The following ZNF496 variants were observed in gnomAD, a reference collection of about 807,000 sequenced individuals.
ZNF496 encodes the protein NSD1 (nuclear receptor binding SET-domain containing 1)-interacting zinc finger protein 1.
A neutral mutation model predicts 58.9 loss-of-function variants in ZNF496; 11 were observed. That is an observed-to-expected ratio of 0.19 (90% CI 0.12 to 0.31). The LOEUF (loss-of-function observed/expected upper bound fraction) is 0.31. Ranked by LOEUF, ZNF496 falls within the 10% of genes least tolerant of loss-of-function variation. The probability of loss-of-function intolerance (pLI) is 1.00; values close to 1 mark genes in which losing one functional copy is unlikely to be tolerated. For missense variants in ZNF496, 660 were observed against 783.0 expected, an observed-to-expected ratio of 0.84 and a Z score of 1.88; for synonymous variants, 338 against 318.2, an observed-to-expected ratio of 1.06 and a Z score of -0.66.
Position 247,313,900 on chromosome 1 carries a change from G to A in ZNF496, c.652-3444C>T, listed in dbSNP as rs575684150. 17 of 152,276 alleles carry A rather than the reference G, an allele frequency of 1.1e-4. No homozygotes were observed. In the South Asian group the frequency reaches 2.1e-3, roughly 19 times the overall value. The allele number at this position is 152,276 out of a possible 1,614,324, so 9.4% of individuals were successfully genotyped here. A position where few individuals can be genotyped will look rare whatever the true frequency, so the allele number is the denominator to read the frequency against. ...AAAACACCTGTGCATGATGGAATCC[G>A]GATGGCCACCAAGTGCAGGGCGTCT... On this transcript the variant is annotated intron_variant, in intron 6 of 9. Transcript: ENST00000682384.
chr1:247,328,550 C>CT, intron 5 of ZNF496, 133 bp downstream of exon 5: 4 of 943,128 alleles, frequency 4.2e-6, no homozygotes, highest in Non-Finnish European at 6.0e-6. Context: ...CTGACAACAG[C>CT]TCACAGCACC....
intron 6 of ZNF496, chr1:247,310,946 A>C (rs1235448241): frequency 6.5e-6 from 1 of 153,738 alleles, no homozygotes; most frequent in East Asian, 1.9e-4. Flanking sequence ...TAACCCTCAA[A>C]GTCTTAATTC....
intron 9 of ZNF496, 74 bp from the exon 10 acceptor site, chr1:247,301,350 A>C: frequency 6.8e-7 from 1 of 1,466,592 alleles, no homozygotes; most frequent in Non-Finnish European, 9.0e-7. Flanking sequence ...CGGCGGAGGA[A>C]CACTCAGCTT....
intron 9 of ZNF496, among the ~76,000 whole-genome samples, chr1:247,306,490 C>T (rs1318290036): frequency 1.4e-5 from 2 of 145,456 alleles, no homozygotes; most frequent in African/African-American, 5.1e-5. Context: ...AGCCACTGCA[C>T]CTGGCCGTTT....
At position 247,300,735 on chromosome 1, in the gene ZNF496, G is replaced by T. The variant is rs1195184307; in HGVS notation, c.1548C>A (p.Gly516=). Reference sequence around the variant, plus strand: ...AGCACTGGAAGCTCAGTTTGGCCTTGCCGTTTTCCAGCGGCTCTTTGGGAC... The same window carrying T: ...AGCACTGGAAGCTCAGTTTGGCCTTTCCGTTTTCCAGCGGCTCTTTGGGAC... ...DKGPKEPLEN[G]KAKLSFQCCE... is the part of the protein sequence containing the mutation. Residue 516 remains glycine, a synonymous_variant, in exon 10 of 10, where the codon GGC becomes GGA. Transcript: ENST00000682384. This position sits in a 1 kb window ranked among gnomAD's most constrained non-coding sequence, Gnocchi z 5.7. 6.8e-6 allele frequency: 11 copies of T among 1,611,878 alleles called. No individual in the cohort carries two copies. Among genetic ancestry groups the T allele is most frequent in the Non-Finnish European group, 9.3e-6 (11 of 1,178,394 alleles).
intron 9 of ZNF496, chr1:247,303,947 C>A: frequency 4.4e-6 from 1 of 224,788 alleles, no homozygotes; most frequent in Non-Finnish European, 9.4e-6. Context: ...ATGAGGTTAT[C>A]CAGGAAGGTC....
At position 247,300,659 on chromosome 1, in the gene ZNF496, T is replaced by C; in HGVS notation, c.1624A>G (p.Ser542Gly). The part of the protein sequence containing the change: ...QRHDHLARHR[S>G]HFHLKDKARP... ...GCTTTGTCCTTCAGGTGAAAGTGGC[T>C]GCGGTGCCGAGCCAGGTGGTCGTGC... The change falls in exon 10 of 10, where the codon AGC becomes GGC. Residue 542 changes from serine (S) to glycine (G), a missense_variant. Transcript: ENST00000682384. This position sits in a 1 kb window ranked among gnomAD's most constrained non-coding sequence, Gnocchi z 5.7. The C allele has an allele frequency of 1.2e-6, 2 of 1,614,110 alleles. No homozygotes were observed. Among genetic ancestry groups the C allele is most frequent in the East Asian group, 2.2e-5 (1 of 44,876 alleles).
rs917622540 is a variant in ZNF496, at chr1:247,323,043, C to G, written c.651+111G>C. On this transcript the variant is annotated intron_variant, in intron 6 of 9. Transcript: ENST00000682384. ...CTATTTTAGCTTTTCTGGGCTGGGA[C>G]TGAACATCCTGTGTGGCAGTCAGAA... The G allele has an allele frequency of 3.3e-6, 3 of 905,756 alleles. No individual in the cohort carries two copies. The African/African-American group carries it at 5.0e-5, about 15-fold the overall frequency. 56.1% of individuals were successfully genotyped at this position (905,756 alleles called of 1,614,324 possible).
intron 5 of ZNF496, among the ~76,000 whole-genome samples, chr1:247,323,932 T>C (rs1660036726): frequency 6.6e-6 from 1 of 151,534 alleles, no homozygotes; most frequent in Non-Finnish European, 1.5e-5. Flanking sequence ...CTGGGCAACA[T>C]AGGGAGACCG....
chr1:247,299,399 C>T lies in ZNF496; in HGVS notation c.*1120G>A, dbSNP rs1616299. On this transcript the variant is annotated 3_prime_UTR_variant, in exon 10 of 10. Coordinates refer to ENST00000682384, the MANE Select transcript of ZNF496 (RefSeq NM_032752.3). The stretch of plus-strand genomic sequence containing the variant: ...GCAACTGCCAGCAAAGGCATGAAGC[C>T]GCTTCTCCCTCACAGCTCTCGGAAG... 52,260 of 152,186 alleles carry T rather than the reference C, an allele frequency of 0.34. 9,695 individuals are homozygous for T. The highest frequency in any genetic ancestry group is 0.52 in the East Asian group (2,672 of 5,146). 9.4% of individuals were successfully genotyped at this position (152,186 alleles called of 1,614,324 possible). A position where few individuals can be genotyped will look rare whatever the true frequency, so the allele number is the denominator to read the frequency against.
chr1:247,327,963 G>A (rs1218022691), intron 5 of ZNF496, among the ~76,000 whole-genome samples: 1 of 152,152 alleles, frequency 6.6e-6, no homozygotes, highest in Non-Finnish European at 1.5e-5. Context: ...CAGGCCTTGT[G>A]TTCAACCTTT....
intron 9 of ZNF496, among the ~76,000 whole-genome samples, chr1:247,303,813 C>CA (rs1350770689): frequency 6.6e-6 from 1 of 152,074 alleles, no homozygotes; most frequent in Non-Finnish European, 1.5e-5. Context: ...ATCCATACGG[C>CA]AAAAAATAAG....
chr1:247,305,031 T>C (rs933218626), intron 9 of ZNF496, among the ~76,000 whole-genome samples: 7 of 152,096 alleles, frequency 4.6e-5, no homozygotes, highest in Admixed American at 6.5e-5. Context: ...AGGGGATGAA[T>C]TGTGTTGTCC....
chr1:247,317,581 G>A (rs910782944), intron 6 of ZNF496, among the ~76,000 whole-genome samples: 18 of 146,940 alleles, frequency 1.2e-4, no homozygotes, highest in East Asian at 8.0e-4. Context: ...CCCCCCCCCC[G>A]CCACCAGTGG....
chr1:247,298,082 A>C lies in ZNF496; in HGVS notation c.*2437T>G, dbSNP rs536389312. On this transcript the variant is annotated 3_prime_UTR_variant, in exon 10 of 10. Transcript: ENST00000682384. ...ACAGGTAGGTGGGGTAAACGTGTAC[A>C]GAGAGCCTGGCTTCTACTTGGAATT... 1.9e-4 allele frequency: 29 copies of C among 152,342 alleles called. No homozygotes were observed. The highest frequency in any genetic ancestry group is 3.4e-3 in the Middle Eastern group (1 of 294). The allele number at this position is 152,342 out of a possible 1,614,324, so 9.4% of individuals were successfully genotyped here.
intron 4 of ZNF496, 21 bp from the exon 5 acceptor site, chr1:247,328,887 T>C: frequency 6.4e-7 from 1 of 1,567,670 alleles, no homozygotes; most frequent in Non-Finnish European, 8.6e-7. Context: ...AGAGACAGCT[T>C]TTCAGGGCTA....
At chr1:247,326,637 T>C (rs1385655282) in intron 5 of ZNF496, among the ~76,000 whole-genome samples, 1 of 152,186 alleles carries the variant, frequency 6.6e-6, no homozygotes, top group East Asian at 1.9e-4. Flanking sequence ...CTTATACCTG[T>C]TGTTACAGGC....
At chr1:247,316,860 A>G in intron 6 of ZNF496, among the ~76,000 whole-genome samples, 1 of 152,136 alleles carries the variant, frequency 6.6e-6, no homozygotes, top group East Asian at 1.9e-4. Flanking sequence ...GGGGAGGAGC[A>G]TAAAAACAGG....
intron 4 of ZNF496, 60 bp from the exon 5 acceptor site, chr1:247,328,926 C>T: frequency 6.5e-7 from 1 of 1,531,322 alleles, no homozygotes; most frequent in African/African-American, 1.4e-5. Flanking sequence ...CTCCCTGGGC[C>T]TGGTGACCAT....
Sources: allele counts gnomAD v4.1 joint callset (sites outside exome capture counted in the v4.1 genomes callset), GRCh38; gene constraint gnomAD v4.1.1; non-coding constraint Gnocchi (gnomAD v3.1); transcripts MANE v1.5; gene names NCBI Gene and HGNC (gene_info 2026-07-23, HGNC 2026-07-21).